The following WBP2NL variants were observed in gnomAD, a reference collection of about 807,000 sequenced individuals.
WBP2NL encodes the protein WBP2 N-terminal like.
In WBP2NL, 27 loss-of-function variants were observed where a neutral mutation model predicts 23.3. The observed-to-expected ratio is 1.16, with a 90% confidence interval of 0.85 to 1.60. The LOEUF is 1.60. Among genes scored for constraint, WBP2NL ranks in the 40% most tolerant of loss-of-function variants. WBP2NL has a pLI of 0.00. For missense variants in WBP2NL, 370 were observed against 389.5 expected, an observed-to-expected ratio of 0.95 and a Z score of 0.42; for synonymous variants, 151 against 145.9, an observed-to-expected ratio of 1.03 and a Z score of -0.25.
chr22:42,041,834 T>C (rs1442756814), intron 8 of WBP2NL, among the ~76,000 whole-genome samples: 4 of 152,242 alleles, frequency 2.6e-5, no homozygotes, highest in Non-Finnish European at 5.9e-5. Flanking sequence ...TAAATTCCAT[T>C]TGAAGAAATC....
chr22:42,028,204 A>G lies in WBP2NL; in HGVS notation c.*1023A>G. 2.5e-6 allele frequency: 1 copy of G among 397,428 alleles called. No individual in the cohort carries two copies. The highest frequency in any genetic ancestry group is 4.4e-5 in the Admixed American group (1 of 22,722). 24.6% of individuals were successfully genotyped at this position (397,428 alleles called of 1,614,324 possible). A position where few individuals can be genotyped will look rare whatever the true frequency, so the allele number is the denominator to read the frequency against. On this transcript the variant is annotated 3_prime_UTR_variant, in exon 6 of 6. Coordinates refer to ENST00000328823, the MANE Select transcript of WBP2NL (RefSeq NM_152613.3). ...GTATGCCCATACTACGTATGCAGAA[A>G]TTTCTAAGACTTGTTGATAAGGAGA...
downstream of WBP2NL, among the ~76,000 whole-genome samples, chr22:42,033,756 G>A (rs1433299723): frequency 6.6e-6 from 1 of 152,220 alleles, no homozygotes; most frequent in Non-Finnish European, 1.5e-5. Flanking sequence ...GGAATGGGTA[G>A]CTCCTCTCTG....
chr22:42,023,309 C>A (rs972563266), intron 5 of WBP2NL, among the ~76,000 whole-genome samples: 1 of 151,856 alleles, frequency 6.6e-6, no homozygotes, highest in Non-Finnish European at 1.5e-5. Flanking sequence ...CTCAGTACCC[C>A]CCAACCAGAG....
intron 1 of WBP2NL, among the ~76,000 whole-genome samples, chr22:41,999,345 G>A (rs1312032338): frequency 1.3e-5 from 2 of 152,228 alleles, no homozygotes; most frequent in African/African-American, 4.8e-5. Flanking sequence ...TCGCTCTTTG[G>A]TAAGAGGGAT....
chr22:42,038,728 G>A (rs6002583), intron 8 of WBP2NL, among the ~76,000 whole-genome samples: 14 of 150,806 alleles, frequency 9.3e-5, no homozygotes, highest in Non-Finnish European at 1.6e-4. Flanking sequence ...TCAGCCTCCC[G>A]AGTAGCTGGG....
chr22:42,013,181 T>C (rs1287384964), intron 1 of WBP2NL, among the ~76,000 whole-genome samples: 2 of 151,920 alleles, frequency 1.3e-5, no homozygotes, highest in Non-Finnish European at 1.5e-5. Flanking sequence ...GAGACCAGCC[T>C]GACCAACATG....
At chr22:42,026,587 A>G (rs1360600056) in intron 5 of WBP2NL, among the ~76,000 whole-genome samples, 179 bp from the exon 6 acceptor site, 1 of 152,186 alleles carries the variant, frequency 6.6e-6, no homozygotes, top group African/African-American at 2.4e-5. Context: ...GAATCCCTGC[A>G]CAACAGGAAG....
chr22:42,008,169 TTCTCCCTCCCTTCCC>T (rs1569446680), intron 1 of WBP2NL, among the ~76,000 whole-genome samples: 1 of 142,574 alleles, frequency 7.0e-6, no homozygotes, highest in East Asian at 2.1e-4. Flanking sequence ...TTCCTTTCCT[TTCTCCCTCCCTTCCC>T]TCTCCCTCCC....
At chr22:42,000,986 C>A in intron 1 of WBP2NL, 1 of 487,246 alleles carries the variant, frequency 2.1e-6, no homozygotes, top group South Asian at 2.5e-5. Context: ...GAGGGAGACT[C>A]CGTCTCAAAA....
chr22:42,052,315 C>T (rs148048443), intron 8 of WBP2NL, among the ~76,000 whole-genome samples: 111 of 152,204 alleles, frequency 7.3e-4, no homozygotes, highest in African/African-American at 2.6e-3. Context: ...TGGAGTCTGG[C>T]TCTGTCACCC....
At chr22:42,050,000 A>T (rs909063489) in intron 8 of WBP2NL, among the ~76,000 whole-genome samples, 6 of 141,436 alleles carry the variant, frequency 4.2e-5, no homozygotes, top group Non-Finnish European at 7.7e-5. Flanking sequence ...AAAAAAAAAA[A>T]GTGGCACATT....
At chr22:42,043,164 C>T (rs936667960) in intron 8 of WBP2NL, among the ~76,000 whole-genome samples, 6 of 152,094 alleles carry the variant, frequency 3.9e-5, no homozygotes, top group African/African-American at 1.4e-4. Flanking sequence ...TAGTGGTCCT[C>T]CACAAAGTGT....
At chr22:42,007,570 C>T (rs1810574780) in intron 1 of WBP2NL, among the ~76,000 whole-genome samples, 1 of 152,136 alleles carries the variant, frequency 6.6e-6, no homozygotes, top group South Asian at 2.1e-4. Context: ...TCCCTCTCCC[C>T]ATGACACCTA....
downstream of WBP2NL, among the ~76,000 whole-genome samples, chr22:42,029,483 T>C (rs1489786946): frequency 6.6e-6 from 1 of 152,080 alleles, no homozygotes; most frequent in African/African-American, 2.4e-5. Context: ...GCAATTCTCG[T>C]GCCTCAACCT....
intron 1 of WBP2NL, among the ~76,000 whole-genome samples, chr22:42,012,851 G>A (rs1263490749): frequency 6.6e-6 from 1 of 151,898 alleles, no homozygotes; most frequent in Admixed American, 6.6e-5. Context: ...AATTAGTTGG[G>A]CGTGGTGGCA....
chr22:42,048,792 C>T (rs1280175661), intron 8 of WBP2NL, among the ~76,000 whole-genome samples: 1 of 151,380 alleles, frequency 6.6e-6, no homozygotes, highest in Non-Finnish European at 1.5e-5. Context: ...AAGAAACCCT[C>T]AGCAAACTAG....
chr22:42,009,637 A>G (rs182589056), intron 1 of WBP2NL, among the ~76,000 whole-genome samples: 1 of 152,202 alleles, frequency 6.6e-6, no homozygotes, highest in Non-Finnish European at 1.5e-5. Flanking sequence ...TCTCACATAT[A>G]TGTGAAGATT....
chr22:42,043,499 A>G (rs1294627349), intron 8 of WBP2NL, among the ~76,000 whole-genome samples: 2 of 152,114 alleles, frequency 1.3e-5, no homozygotes, highest in Non-Finnish European at 2.9e-5. Flanking sequence ...GGCTGGAGTC[A>G]ACTCTAGGCA....
At chr22:42,054,288 C>A (rs1342633959) in intron 8 of WBP2NL, among the ~76,000 whole-genome samples, 1 of 152,050 alleles carries the variant, frequency 6.6e-6, no homozygotes, top group Non-Finnish European at 1.5e-5. Context: ...TCAAGCAATT[C>A]TCCTGCTTTA....
Sources: allele counts gnomAD v4.1 joint callset (sites outside exome capture counted in the v4.1 genomes callset), GRCh38; gene constraint gnomAD v4.1.1; transcripts MANE v1.5; gene names NCBI Gene and HGNC (gene_info 2026-07-23, HGNC 2026-07-21).